Variants in CDK19 observed in about 807,000 individuals in gnomAD.
The protein encoded by CDK19 is cyclin-dependent kinase 19.
A neutral mutation model predicts 68.3 loss-of-function variants in CDK19; 20 were observed. The observed-to-expected ratio is 0.29, with a 90% CI of 0.21 to 0.43. The LOEUF (loss-of-function observed/expected upper bound fraction) is 0.43, where lower values mean the gene tolerates loss of function less well. Ranked by LOEUF, CDK19 falls within the 20% of genes least tolerant of loss-of-function variation. The pLI is 1.00. For missense variants in CDK19, 339 were observed against 623.5 expected (o/e 0.54, Z 4.86); for synonymous variants, 221 against 222.8 (o/e 0.99, Z 0.07).
intron 2 of CDK19, among the ~76,000 whole-genome samples, chr6:110,738,991 G>C (rs752945287): frequency 3.3e-5 from 5 of 152,222 alleles, no homozygotes; most frequent in Admixed American, 2.6e-4. Context: ...CTGGGATATT[G>C]ATGGATATAT....
In CDK19 at chr6:110,654,660, G is replaced by T. The variant is rs60363324; in HGVS notation, c.456+12774C>A. Among the ~76,000 whole-genome samples, 600 of 152,364 alleles carry T rather than the reference G, an allele frequency of 3.9e-3. 29 individuals carry two copies. In the East Asian group the frequency reaches 0.097, roughly 25 times the overall value. On this transcript the variant is annotated intron_variant, in intron 4 of 12. Transcript: ENST00000368911. ...AAGTTCCCAATTTGAAAAGAAGATGGCTGCGTGCAGTGGCTCATGCCTGTA... is the reference window on the plus strand; with the variant it reads ...AAGTTCCCAATTTGAAAAGAAGATGTCTGCGTGCAGTGGCTCATGCCTGTA...
chr6:110,696,558 G>A (rs1773503153), intron 2 of CDK19, among the ~76,000 whole-genome samples: 4 of 152,164 alleles, frequency 2.6e-5, no homozygotes. Context: ...AGGTCAAAGT[G>A]TCGCTGCTTG....
intron 10 of CDK19, among the ~76,000 whole-genome samples, chr6:110,622,505 T>TTAAC (rs1778783270): frequency 1.3e-5 from 2 of 152,246 alleles, no homozygotes; most frequent in African/African-American, 4.8e-5. Context: ...GAAAGACAGA[T>TTAAC]TAACTTCTGT....
intron 1 of CDK19, among the ~76,000 whole-genome samples, chr6:110,772,851 C>T (rs77009553): frequency 0.028 from 4,150 of 150,242 alleles, 80 homozygotes; most frequent in South Asian, 0.083. Flanking sequence ...TGTGATGGCA[C>T]CACTGCACTC....
At chr6:110,718,033 C>T (rs1038326998) in intron 2 of CDK19, among the ~76,000 whole-genome samples, 5 of 152,118 alleles carry the variant, frequency 3.3e-5, no homozygotes, top group East Asian at 3.9e-4. Flanking sequence ...CCTTCTGCCA[C>T]GTGAGGCCAC....
intron 2 of CDK19, among the ~76,000 whole-genome samples, chr6:110,696,021 C>T (rs1156380890): frequency 2.0e-5 from 3 of 152,098 alleles, no homozygotes; most frequent in Non-Finnish European, 4.4e-5. Flanking sequence ...ACTCTAATAT[C>T]AAAACCAAGA....
intron 1 of CDK19, among the ~76,000 whole-genome samples, chr6:110,756,789 G>C (rs1472850499): frequency 3.3e-5 from 5 of 152,144 alleles, no homozygotes; most frequent in African/African-American, 7.2e-5. Context: ...GTGAAATTAA[G>C]TCCATTTACA....
At chr6:110,643,889 C>A (rs145297822) in intron 4 of CDK19, among the ~76,000 whole-genome samples, 4,259 of 152,028 alleles carry the variant, frequency 0.028, 84 homozygotes, top group South Asian at 0.083. Flanking sequence ...CCAGCCTGGG[C>A]AACATAGTGA....
At chr6:110,814,752 T>G (rs1222051088) in intron 1 of CDK19, 1 of 639,718 alleles carries the variant, frequency 1.6e-6, no homozygotes, top group East Asian at 3.2e-5. Flanking sequence ...CTCCGAGCAC[T>G]CGGAGGGCGC....
At chr6:110,729,549 C>G (rs1776590871) in intron 2 of CDK19, among the ~76,000 whole-genome samples, 1 of 152,038 alleles carries the variant, frequency 6.6e-6, no homozygotes, top group African/African-American at 2.4e-5. Context: ...ATGCCTCAGC[C>G]TCCCAAGTAG....
At position 110,670,747 on chromosome 6, in the gene CDK19, T is replaced by A. The variant is rs945333563; in HGVS notation, c.205-206A>T. The stretch of plus-strand genomic sequence containing the variant: ...GCATATCTTTCCAATCCTTTTTCTA[T>A]GTGCTTAGGTATATCTGTTTTGTTT... On this transcript the variant is annotated intron_variant, in intron 2 of 12. Coordinates refer to ENST00000368911, the MANE Select transcript of CDK19 (RefSeq NM_015076.5). The A allele has an allele frequency of 6.2e-6, 4 of 642,144 alleles. No homozygotes were observed. The African/African-American group carries it at 7.3e-5, about 12-fold the overall frequency. The allele number at this position is 642,144 out of a possible 1,614,324, so 39.8% of individuals were successfully genotyped here.
At chr6:110,675,273 GGTGATTT>G (rs1258897889) in intron 2 of CDK19, among the ~76,000 whole-genome samples, 2 of 152,164 alleles carry the variant, frequency 1.3e-5, no homozygotes, top group Non-Finnish European at 2.9e-5. Flanking sequence ...TAACGCAACT[GGTGATTT>G]GAAGTTGAAG....
chr6:110,714,897 C>T (rs1775253854), intron 2 of CDK19, among the ~76,000 whole-genome samples: 1 of 151,810 alleles, frequency 6.6e-6, no homozygotes, highest in South Asian at 2.1e-4. Context: ...CCACGCCCGG[C>T]TAATTTCTGT....
At chr6:110,648,002 A>G (rs1780717796) in intron 4 of CDK19, among the ~76,000 whole-genome samples, 3 of 152,202 alleles carry the variant, frequency 2.0e-5, no homozygotes, top group Middle Eastern at 3.4e-3. Context: ...GATGCTGGGG[A>G]AAAAAAACAG....
intron 1 of CDK19, among the ~76,000 whole-genome samples, chr6:110,786,030 CCTGA>C (rs780782815): frequency 6.6e-6 from 1 of 151,914 alleles, no homozygotes; most frequent in Non-Finnish European, 1.5e-5. Context: ...ATAATTTCTG[CCTGA>C]CTTTTTTGCT....
At position 110,658,808 on chromosome 6, in the gene CDK19, TG is replaced by T. The variant is rs556710630; in HGVS notation, c.456+8625del. On this transcript the variant is annotated intron_variant, in intron 4 of 12. Transcript: ENST00000368911. ...GAAGAGTATGAGACGACAGGCATTC[TG>T]GGGGGAAAAAGAGGTTAAAGAAAGG... 3.6e-3 allele frequency among the ~76,000 whole-genome samples: 546 copies of T among 152,182 alleles called. 4 individuals are homozygous for T. The highest frequency in any genetic ancestry group is 0.013 in the African/African-American group (525 of 41,540).
chr6:110,640,108 C>T (rs1281237602), intron 4 of CDK19, among the ~76,000 whole-genome samples: 3 of 151,784 alleles, frequency 2.0e-5, no homozygotes, highest in African/African-American at 4.8e-5. Flanking sequence ...GGAGTCCCTG[C>T]TACTCAGGAG....
At chr6:110,656,042 C>T (rs932418488) in intron 4 of CDK19, among the ~76,000 whole-genome samples, 9 of 152,180 alleles carry the variant, frequency 5.9e-5, no homozygotes, top group African/African-American at 2.2e-4. Flanking sequence ...CACCTCTCTT[C>T]ATCTTACCAA....
chr6:110,717,161 C>T (rs1029867974), intron 2 of CDK19, among the ~76,000 whole-genome samples: 4 of 151,928 alleles, frequency 2.6e-5, no homozygotes, highest in East Asian at 1.9e-4. Flanking sequence ...ATAAATAGAA[C>T]GTATGAGTTT....
Sources: allele counts gnomAD v4.1 joint callset (sites outside exome capture counted in the v4.1 genomes callset), GRCh38; gene constraint gnomAD v4.1.1; transcripts MANE v1.5; gene names NCBI Gene and HGNC (gene_info 2026-07-23, HGNC 2026-07-21).